The following UBR2 variants were observed in gnomAD, a reference collection of about 807,000 sequenced individuals.
UBR2 encodes E3 ubiquitin-protein ligase UBR2.
UBR2 carries 92 observed loss-of-function variants against 247.9 expected under a neutral mutation model. That is an observed-to-expected ratio of 0.37 (90% confidence interval 0.31 to 0.44). The LOEUF is 0.44. Ranked by LOEUF, UBR2 falls within the 20% of genes least tolerant of loss-of-function variation. The probability of loss-of-function intolerance (pLI) is 1.00; values close to 1 mark genes in which losing one functional copy is unlikely to be tolerated. For missense variants in UBR2, 1,613 were observed against 2,112.6 expected (o/e 0.76, Z 4.64); for synonymous variants, 672 against 693.5 (o/e 0.97, Z 0.49).
intron 4 of UBR2, among the ~76,000 whole-genome samples, chr6:42,597,793 G>T (rs1227789606): frequency 6.6e-6 from 1 of 152,016 alleles, no homozygotes; most frequent in Non-Finnish European, 1.5e-5. Context: ...GCACATGCCT[G>T]TAATCCCAGC....
chr6:42,633,611 G>C (rs535874265), intron 13 of UBR2, among the ~76,000 whole-genome samples: 1 of 151,344 alleles, frequency 6.6e-6, no homozygotes, highest in Non-Finnish European at 1.5e-5. Flanking sequence ...GGCTGGTCTC[G>C]AACTCCTGAC....
chr6:42,605,782 G>A lies in UBR2; in HGVS notation c.724G>A (p.Val242Ile). The part of the protein sequence containing the change: ...FNDEVHTYEQ[V>I]IYTLQKAVNC... Reference sequence around the variant, plus strand: ...TGATGAGGTTCACACCTATGAACAAGTTATTTATACTCTTCAGAAAGCTGT... The same window carrying A: ...TGATGAGGTTCACACCTATGAACAAATTATTTATACTCTTCAGAAAGCTGT... Residue 242 changes from valine to isoleucine, a missense_variant, in exon 6 of 47, where the codon GTT (valine) becomes ATT (isoleucine). By Grantham distance (29) the Val-to-Ile change is conservative (BLOSUM62 3). This residue lies in a region of UBR2 where 1,524 missense variants were observed against 1,967.3 expected (regional missense o/e 0.77). Coordinates refer to ENST00000372901, the MANE Select transcript of UBR2 (RefSeq NM_001363705.2). The A allele has an allele frequency of 6.2e-7, 1 of 1,613,092 alleles. No homozygotes were observed. The highest frequency in any genetic ancestry group is 8.5e-7 in the Non-Finnish European group (1 of 1,179,600).
Position 42,683,095 on chromosome 6 carries a change from G to A in UBR2, c.4759G>A (p.Glu1587Lys), listed in dbSNP as rs1799151970. 1 of 1,612,676 alleles carries A rather than the reference G, an allele frequency of 6.2e-7. No individual in the cohort carries two copies. Among genetic ancestry groups the A allele is most frequent in the Non-Finnish European group, 8.5e-7 (1 of 1,179,444 alleles). The change falls in exon 43 of 47, where the codon GAA becomes AAA. Residue 1587 changes from glutamate to lysine, a missense_variant. Glu to Lys is a moderately conservative substitution (Grantham distance 56, BLOSUM62 1). Transcript: ENST00000372901. ...TGAAGTTAAAAGATATCTAGAAGGT[G>A]AAAGAGATGCTATAAGGTAAGTTAA... ...NSEVKRYLEG[E>K]RDAIRYPRES...
chr6:42,687,006 G>A (rs1350440688), intron 44 of UBR2, among the ~76,000 whole-genome samples: 1 of 151,958 alleles, frequency 6.6e-6, no homozygotes, highest in Non-Finnish European at 1.5e-5. Flanking sequence ...TAGACGGGAT[G>A]ACGGCCAGGA....
At position 42,692,395 on chromosome 6, in the gene UBR2, T is replaced by C. The variant is rs1053225318; in HGVS notation, c.*1222T>C. On this transcript the variant is annotated 3_prime_UTR_variant, in exon 47 of 47. Coordinates refer to ENST00000372901, the MANE Select transcript of UBR2 (RefSeq NM_001363705.2). ...GCTTTTTATTCTTTTTGATCATTGT[T>C]CTTACTGAGGTGCCTTCCTAGAACA... The C allele has an allele frequency of 3.9e-5, 6 of 152,184 alleles. No homozygotes were observed. Among genetic ancestry groups the C allele is most frequent in the Non-Finnish European group, 8.8e-5 (6 of 68,034 alleles). 9.4% of individuals were successfully genotyped at this position (152,184 alleles called of 1,614,324 possible).
Position 42,641,602 on chromosome 6 carries a change from G to A in UBR2, c.1941G>A (p.Met647Ile), listed in dbSNP as rs1796453715. The change falls in exon 17 of 47, where the codon ATG becomes ATA. Residue 647 changes from methionine to isoleucine, a missense_variant. Met to Ile is a conservative substitution (Grantham distance 10). Around this residue, in one of 3 missense-constraint regions of UBR2, gnomAD observed 1,524 missense variants for 1,967.3 expected, o/e 0.77. Coordinates refer to ENST00000372901, the MANE Select transcript of UBR2 (RefSeq NM_001363705.2). ...LLPLSELSPP[M>I]LIEHPLRCLV... is the part of the protein sequence containing the mutation. The stretch of plus-strand genomic sequence containing the variant: ...TATAGAGTGAACTTAGCCCACCCAT[G>A]TTGATAGAACACCCTCTTAGATGTC... The A allele has an allele frequency of 6.3e-7, 1 of 1,595,454 alleles. No individual in the cohort carries two copies. Among genetic ancestry groups the A allele is most frequent in the Admixed American group, 1.8e-5 (1 of 55,206 alleles).
At chr6:42,634,228 C>G (rs1795944965) in intron 13 of UBR2, 2 of 402,044 alleles carry the variant, frequency 5.0e-6, no homozygotes, top group Non-Finnish European at 9.6e-6. Context: ...CCTTTTTCCC[C>G]TGTTTAATTC....
At position 42,679,720 on chromosome 6, in the gene UBR2, G is replaced by C; in HGVS notation, c.4610-4G>C. ...TGCACTCTTTTCTTGTTCTTCATTT[G>C]CAGTTCCTGGAACAAGCCATTTTGA... On this transcript the variant is annotated splice_region_variant and splice_polypyrimidine_tract_variant and intron_variant, in intron 41 of 46. Coordinates refer to ENST00000372901, the MANE Select transcript of UBR2 (RefSeq NM_001363705.2). The C allele has an allele frequency of 6.2e-7, 1 of 1,602,334 alleles. No individual in the cohort carries two copies. The highest frequency in any genetic ancestry group is 8.5e-7 in the Non-Finnish European group (1 of 1,170,102).
chr6:42,684,966 A>G, intron 44 of UBR2, 95 bp downstream of exon 44: 1 of 1,067,866 alleles, frequency 9.4e-7, no homozygotes, highest in Non-Finnish European at 1.4e-6. Flanking sequence ...TTGTTTGGGT[A>G]GAGAAATCAT....
At chr6:42,582,381 T>G (rs1221921354) in intron 2 of UBR2, among the ~76,000 whole-genome samples, 1 of 151,644 alleles carries the variant, frequency 6.6e-6, no homozygotes, top group Non-Finnish European at 1.5e-5. Context: ...ATACAGTGAA[T>G]ACTCTTACTT....
At chr6:42,663,213 G>A (rs200610869) in intron 31 of UBR2, 45 bp from the exon 32 acceptor site, 2 of 1,437,972 alleles carry the variant, frequency 1.4e-6, no homozygotes, top group East Asian at 5.2e-5. Context: ...TGTCATTTAT[G>A]TAAATTACCA....
At chr6:42,631,889 T>A (rs1045120986) in intron 11 of UBR2, among the ~76,000 whole-genome samples, 23 of 134,816 alleles carry the variant, frequency 1.7e-4, no homozygotes, top group Non-Finnish European at 2.4e-4. Context: ...TATATATATA[T>A]AAATACAGGT....
At chr6:42,568,655 G>C (rs935729949) in intron 1 of UBR2, among the ~76,000 whole-genome samples, 2 of 152,080 alleles carry the variant, frequency 1.3e-5, no homozygotes, top group South Asian at 2.1e-4. Flanking sequence ...GCATGAACCC[G>C]GGAGGCGGAG....
intron 11 of UBR2, among the ~76,000 whole-genome samples, chr6:42,621,402 C>G (rs918682920): frequency 6.6e-6 from 1 of 152,172 alleles, no homozygotes; most frequent in Non-Finnish European, 1.5e-5. Context: ...TTGTGAGTCT[C>G]AGTATCTGAT....
intron 1 of UBR2, among the ~76,000 whole-genome samples, chr6:42,572,681 C>T (rs948915358): frequency 6.6e-6 from 1 of 151,742 alleles, no homozygotes; most frequent in Non-Finnish European, 1.5e-5. Context: ...GTTTTGTTCA[C>T]GGTTCAGTTA....
At chr6:42,681,964 C>T (rs1180111395) in intron 42 of UBR2, among the ~76,000 whole-genome samples, 1 of 152,152 alleles carries the variant, frequency 6.6e-6, no homozygotes, top group East Asian at 1.9e-4. Flanking sequence ...GTCCCAGCTA[C>T]TCGGGAGGCT....
In UBR2 at chr6:42,674,205, G is replaced by A; in HGVS notation, c.4251+12G>A. 6.2e-7 allele frequency: 1 copy of A among 1,612,948 alleles called. No homozygotes were observed. Among genetic ancestry groups the A allele is most frequent in the Non-Finnish European group, 8.5e-7 (1 of 1,179,624 alleles). On this transcript the variant is annotated intron_variant, in intron 38 of 46. Transcript: ENST00000372901. ...TGTTTCATTTATTGGTGGGTATTGT[G>A]CAGTTTGTTTGGACTTCTACGTCAT...
chr6:42,583,896 T>C (rs954203730), intron 2 of UBR2, among the ~76,000 whole-genome samples: 1 of 152,118 alleles, frequency 6.6e-6, no homozygotes, highest in Admixed American at 6.6e-5. Flanking sequence ...TGTCTCAAAC[T>C]AAATTTTTTA....
chr6:42,631,849 A>G (rs1244214864), intron 11 of UBR2, among the ~76,000 whole-genome samples: 2 of 98,522 alleles, frequency 2.0e-5, no homozygotes, highest in African/African-American at 8.3e-5. Context: ...TATGTAGTAT[A>G]TACTCTGATT....
Sources: gnomAD v4.1 joint callset for allele counts (sites outside exome capture counted in the v4.1 genomes callset) on GRCh38, gnomAD v4.1.1 for gene constraint, gnomAD v4.1.1 regional missense constraint, MANE v1.5 for transcripts, NCBI Gene and HGNC (gene_info 2026-07-23, HGNC 2026-07-21) for gene names.